Variants in C10orf143 observed in about 807,000 individuals in gnomAD.
The protein encoded by C10orf143 is chromosome 10 open reading frame 143.
chr10:130,074,322 G>A (rs952742715), intron 3 of C10orf143, among the ~76,000 whole-genome samples: 4 of 152,100 alleles, frequency 2.6e-5, no homozygotes, highest in Non-Finnish European at 5.9e-5. Context: ...GACAAACCTG[G>A]GGGTAGAAAT....
rs891249535 is a variant in C10orf143 at position 130,056,456 on chromosome 10, G to A, written c.298-20486C>T. On this transcript the variant is annotated intron_variant and NMD_transcript_variant, in intron 3 of 5. Coordinates refer to the C10orf143 transcript ENST00000643056. The surrounding 1 kb of genome is among the most constrained non-coding windows in gnomAD (Gnocchi z 4.6). The stretch of plus-strand genomic sequence containing the variant: ...CCCCAGGACCTTCATGTGGGTGACT[G>A]AGAACTCATACTTGGCTGGTCCATA... Among the ~76,000 whole-genome samples the A allele has an allele frequency of 1.3e-5, 2 of 152,200 alleles. No individual in the cohort carries two copies. Among genetic ancestry groups the A allele is most frequent in the Non-Finnish European group, 2.9e-5 (2 of 68,040 alleles).
chr10:130,096,577 G>T (rs1040328186), intron 1 of C10orf143, among the ~76,000 whole-genome samples: 2 of 117,960 alleles, frequency 1.7e-5, no homozygotes, highest in Admixed American at 2.0e-4. Flanking sequence ...TAAATTCTTG[G>T]CAAACTAACA....
At chr10:130,104,693 C>G (rs1437349695) in intron 1 of C10orf143, 1 of 152,124 alleles carries the variant, frequency 6.6e-6, no homozygotes, top group Non-Finnish European at 1.5e-5. Flanking sequence ...ATAAGATACC[C>G]AACTCATTAT....
intron 3 of C10orf143, among the ~76,000 whole-genome samples, chr10:130,044,159 G>A (rs1051933008): frequency 6.6e-6 from 1 of 152,204 alleles, no homozygotes; most frequent in Admixed American, 6.5e-5. Flanking sequence ...CAAGGCTGTG[G>A]GGATGCTGTC....
chr10:130,110,412 T>A (rs1028733895), intron 1 of C10orf143, among the ~76,000 whole-genome samples: 1 of 152,140 alleles, frequency 6.6e-6, no homozygotes, highest in Non-Finnish European at 1.5e-5. Context: ...TCTCGGCCCA[T>A]GTTTTAGGGA....
At chr10:130,073,842 A>G (rs1861071534) in intron 3 of C10orf143, among the ~76,000 whole-genome samples, 1 of 152,166 alleles carries the variant, frequency 6.6e-6, no homozygotes, top group Non-Finnish European at 1.5e-5. Context: ...CAGAGAAAGT[A>G]CTCACTGTCA....
chr10:130,104,586 T>C (rs1805016511), intron 1 of C10orf143: 1 of 152,238 alleles, frequency 6.6e-6, no homozygotes, highest in East Asian at 1.9e-4. Flanking sequence ...ACTTGGATAC[T>C]TTATTGAACT....
intron 1 of C10orf143, chr10:130,104,924 ATTTTATTTTTACTT>A (rs1861615973): frequency 6.6e-6 from 1 of 152,064 alleles, no homozygotes; most frequent in African/African-American, 2.4e-5. Context: ...TTGTGGGTAT[ATTTTATTTTTACTT>A]TTTTATTTGA....
At chr10:130,103,992 A>C (rs1715911673) in intron 1 of C10orf143, 1 of 152,206 alleles carries the variant, frequency 6.6e-6, no homozygotes, top group African/African-American at 2.4e-5. Context: ...TGAAAGACTA[A>C]GTGGACATGA....
At chr10:130,102,375 T>C (rs544458477) in intron 1 of C10orf143, among the ~76,000 whole-genome samples, 28 of 152,196 alleles carry the variant, frequency 1.8e-4, no homozygotes, top group Non-Finnish European at 4.1e-4. Flanking sequence ...CTGCCTCCAG[T>C]GGTTCTCCCA....
chr10:130,038,445 C>T (rs1860569492), intron 3 of C10orf143, among the ~76,000 whole-genome samples: 1 of 152,046 alleles, frequency 6.6e-6, no homozygotes, highest in African/African-American at 2.4e-5. Flanking sequence ...TCTTGGGGGC[C>T]CCTGGGATGA....
At chr10:130,092,032 A>G (rs951373421) in intron 1 of C10orf143, among the ~76,000 whole-genome samples, 2 of 152,228 alleles carry the variant, frequency 1.3e-5, no homozygotes, top group Non-Finnish European at 2.9e-5. Flanking sequence ...CTAGCAAGAC[A>G]GGACAACTTT....
downstream of C10orf143, chr10:130,063,771 T>C (rs1329930471): frequency 1.3e-5 from 2 of 152,198 alleles, no homozygotes; most frequent in African/African-American, 4.8e-5. Context: ...AGACGATACA[T>C]TGAAAACCCA....
chr10:130,107,902 A>G, intron 1 of C10orf143: 1 of 1,338,878 alleles, frequency 7.5e-7, no homozygotes, highest in Non-Finnish European at 1.1e-6. Flanking sequence ...CTCTTCCTCC[A>G]CAAAGGCAAG....
At chr10:130,043,495 A>G (rs1183343) in intron 3 of C10orf143, among the ~76,000 whole-genome samples, 52,173 of 152,038 alleles carry the variant, frequency 0.34, 9,220 homozygotes, top group Non-Finnish European at 0.38. Flanking sequence ...CTCTCTGGGC[A>G]GCTCAGCAAC....
downstream of C10orf143, among the ~76,000 whole-genome samples, chr10:130,059,898 G>A (rs1262121483): frequency 6.6e-6 from 1 of 152,156 alleles, no homozygotes; most frequent in Non-Finnish European, 1.5e-5. Context: ...TCAAAAGCTA[G>A]CTATTTCATG....
chr10:130,044,868 AC>A (rs1330417457), intron 3 of C10orf143, among the ~76,000 whole-genome samples: 2 of 152,136 alleles, frequency 1.3e-5, no homozygotes, highest in East Asian at 3.9e-4. Context: ...AGAGGCCATT[AC>A]TACCAACAGC....
chr10:130,092,305 C>A (rs1018259642), intron 1 of C10orf143, among the ~76,000 whole-genome samples: 3 of 152,152 alleles, frequency 2.0e-5, no homozygotes, highest in African/African-American at 7.2e-5. Context: ...ATTTCATATT[C>A]AGCCAAACTA....
intron 3 of C10orf143, among the ~76,000 whole-genome samples, chr10:130,074,911 C>T (rs764869604): frequency 1.8e-4 from 28 of 152,028 alleles, no homozygotes; most frequent in Non-Finnish European, 3.8e-4. Context: ...TCTACTCCTA[C>T]GTTGGCTGAC....
Sources: allele counts gnomAD v4.1 joint callset (sites outside exome capture counted in the v4.1 genomes callset), GRCh38; gene constraint gnomAD v4.1.1; non-coding constraint Gnocchi (gnomAD v3.1); transcripts MANE v1.5; gene names NCBI Gene and HGNC (gene_info 2026-07-23, HGNC 2026-07-21).